SLC15A5: variants seen among roughly 807,000 people sequenced by gnomAD.
The protein encoded by SLC15A5 is Peptide/histidine transporter ENSP00000340402.
Under a neutral mutation model 56.1 loss-of-function variants are expected in SLC15A5, and 58 were observed. That is an observed-to-expected ratio of 1.03 (90% CI 0.84 to 1.29). SLC15A5 has a LOEUF of 1.29. Ranked by LOEUF, SLC15A5 falls within the 50% of genes most tolerant of loss-of-function variation. The pLI is 0.00. For missense variants in SLC15A5, 681 were observed against 672.1 expected, an observed-to-expected ratio of 1.01 and a Z score of -0.15; for synonymous variants, 264 against 250.5, an observed-to-expected ratio of 1.05 and a Z score of -0.51.
At chr12:16,202,757 T>G (rs904452544) in intron 7 of SLC15A5, among the ~76,000 whole-genome samples, 2 of 152,292 alleles carry the variant, frequency 1.3e-5, no homozygotes, top group East Asian at 1.9e-4. Flanking sequence ...AAGTGGTATA[T>G]ATACACAATG....
intron 2 of SLC15A5, among the ~76,000 whole-genome samples, chr12:16,259,701 T>A (rs1864621026): frequency 6.6e-6 from 1 of 152,168 alleles, no homozygotes; most frequent in Admixed American, 6.5e-5. Context: ...ATGGAATAAG[T>A]GGAGAGTTGA....
At chr12:16,229,912 A>G (rs995080376) in intron 5 of SLC15A5, among the ~76,000 whole-genome samples, 2 of 152,156 alleles carry the variant, frequency 1.3e-5, no homozygotes, top group African/African-American at 4.8e-5. Flanking sequence ...GCAGAAAAGG[A>G]GAAAGCTTTA....
chr12:16,272,272 C>CTT (rs1263592993), intron 2 of SLC15A5, among the ~76,000 whole-genome samples: 1 of 152,126 alleles, frequency 6.6e-6, no homozygotes, highest in Admixed American at 6.6e-5. Flanking sequence ...ACCCAGGTCT[C>CTT]TTTGGTTCCA....
Position 16,194,258 on chromosome 12 carries a change from T to A in SLC15A5, c.1592+87A>T, listed in dbSNP as rs997049967. 92 of 736,000 alleles carry A rather than the reference T, an allele frequency of 1.3e-4. No homozygotes were observed. In the East Asian group the frequency reaches 2.3e-3, roughly 19 times the overall value. The allele number at this position is 736,000 out of a possible 1,614,324, so 45.6% of individuals were successfully genotyped here. ...AATATTCTAATTTGTCCAGTCATGG[T>A]GTACAGAATTCCCTGGCTCAGTGAT... On this transcript the variant is annotated intron_variant, in intron 8 of 8. Coordinates refer to ENST00000344941, the MANE Select transcript of SLC15A5 (RefSeq NM_001170798.1).
chr12:16,190,721 C>T (rs189615975), intron 8 of SLC15A5, among the ~76,000 whole-genome samples: 6 of 152,102 alleles, frequency 3.9e-5, no homozygotes, highest in Admixed American at 2.0e-4. Flanking sequence ...CCTTCTTTTC[C>T]TTCTCAGTAC....
chr12:16,233,531 T>C (rs1864318900), intron 5 of SLC15A5, among the ~76,000 whole-genome samples: 2 of 152,184 alleles, frequency 1.3e-5, no homozygotes, highest in South Asian at 4.1e-4. Context: ...AAACAGACGG[T>C]GGGCCAGATT....
rs1252611385 is a variant in SLC15A5 at position 16,277,605 on chromosome 12, A to G, written c.81T>C (p.His27=). 6.5e-7 allele frequency: 1 copy of G among 1,536,366 alleles called. No individual in the cohort carries two copies. Among genetic ancestry groups the G allele is most frequent in the South Asian group, 1.2e-5 (1 of 84,030 alleles). The change falls in exon 1 of 9, where the codon CAT becomes CAC. Residue 27 remains histidine (H), a synonymous_variant. Transcript: ENST00000344941. The part of the protein sequence containing the change: ...HSIEKEKTVR[H]IGDLCSSHSV... The stretch of plus-strand genomic sequence containing the variant: ...AGTGTGAGGAACACAAATCGCCAAT[A>G]TGTCTTACAGTTTTCTCCTTCTCAA...
intron 1 of SLC15A5, 150 bp from the exon 2 acceptor site, chr12:16,272,933 G>A: frequency 1.4e-6 from 1 of 725,652 alleles, no homozygotes; most frequent in Non-Finnish European, 2.2e-6. Flanking sequence ...TTCAGGGATA[G>A]CCTGATGTTT....
At chr12:16,195,145 T>C (rs1028733211) in intron 7 of SLC15A5, among the ~76,000 whole-genome samples, 3 of 152,074 alleles carry the variant, frequency 2.0e-5, no homozygotes, top group Non-Finnish European at 2.9e-5. Flanking sequence ...AGGTAATTAC[T>C]TTAATTTGCT....
At chr12:16,250,211 C>T (rs1449436055) in intron 3 of SLC15A5, among the ~76,000 whole-genome samples, 1 of 152,002 alleles carries the variant, frequency 6.6e-6, no homozygotes, top group African/African-American at 2.4e-5. Flanking sequence ...ATAACAAACA[C>T]TGATTGAACA....
chr12:16,231,243 T>C (rs1342033385), intron 5 of SLC15A5, among the ~76,000 whole-genome samples: 1 of 152,210 alleles, frequency 6.6e-6, no homozygotes, highest in Non-Finnish European at 1.5e-5. Context: ...TAGAGCAGTT[T>C]AGGGACTTCC....
At chr12:16,244,894 G>T in intron 3 of SLC15A5, 94 bp from the exon 4 acceptor site, 2 of 1,315,626 alleles carry the variant, frequency 1.5e-6, no homozygotes, top group Non-Finnish European at 2.1e-6. Context: ...AAGGATTCAC[G>T]GCAGTGAAGT....
chr12:16,257,415 T>C (rs1258752582), intron 3 of SLC15A5, among the ~76,000 whole-genome samples: 1 of 152,160 alleles, frequency 6.6e-6, no homozygotes, highest in Non-Finnish European at 1.5e-5. Flanking sequence ...TATTCCATTA[T>C]TAAAATTTTT....
chr12:16,210,002 C>T (rs527543235), intron 7 of SLC15A5, among the ~76,000 whole-genome samples: 3 of 152,266 alleles, frequency 2.0e-5, no homozygotes, highest in South Asian at 2.1e-4. Flanking sequence ...AAAGATCTCA[C>T]GTGATTTTGC....
intron 7 of SLC15A5, 33 bp downstream of exon 7, chr12:16,216,860 A>C (rs1387501601): frequency 1.3e-6 from 2 of 1,515,016 alleles, no homozygotes; most frequent in African/African-American, 1.4e-5. Context: ...CATCAACTCA[A>C]TGTATATAAG....
intron 8 of SLC15A5, 84 bp from the exon 9 acceptor site, chr12:16,189,899 A>G (rs1592103779): frequency 9.8e-7 from 1 of 1,015,616 alleles, no homozygotes. Flanking sequence ...GCGCTTGTCT[A>G]CCTTTTATGA....
intron 1 of SLC15A5, among the ~76,000 whole-genome samples, chr12:16,274,333 T>G (rs1864793919): frequency 2.0e-5 from 3 of 152,142 alleles, no homozygotes; most frequent in Admixed American, 2.0e-4. Context: ...ATCATTAATT[T>G]TTTTGTTTTG....
intron 7 of SLC15A5, among the ~76,000 whole-genome samples, chr12:16,211,468 C>G (rs919105801): frequency 2.0e-5 from 3 of 149,646 alleles, no homozygotes; most frequent in Non-Finnish European, 3.0e-5. Context: ...GAAGATATAC[C>G]ACTTGACCTC....
rs561176625 is a variant in SLC15A5 at position 16,235,165 on chromosome 12, A to T, written c.1162+4516T>A. ...TTTGTCACTCACTTTTTAGGGTGGCATATGTTTTTTATTTTTATTGTTTTC... is the reference window on the plus strand; with the variant it reads ...TTTGTCACTCACTTTTTAGGGTGGCTTATGTTTTTTATTTTTATTGTTTTC... On this transcript the variant is annotated intron_variant, in intron 5 of 8. Coordinates refer to ENST00000344941, the MANE Select transcript of SLC15A5 (RefSeq NM_001170798.1). This position sits in a 1 kb window ranked among gnomAD's most constrained non-coding sequence, Gnocchi z 4.1. Among the ~76,000 whole-genome samples the T allele has an allele frequency of 2.5e-4, 38 of 151,620 alleles. No homozygotes were observed. The highest frequency in any genetic ancestry group is 4.9e-4 in the Non-Finnish European group (33 of 67,850).
Sources: gnomAD v4.1 joint callset for allele counts (sites outside exome capture counted in the v4.1 genomes callset) on GRCh38, gnomAD v4.1.1 for gene constraint, Gnocchi (gnomAD v3.1) non-coding constraint, MANE v1.5 for transcripts, NCBI Gene and HGNC (gene_info 2026-07-23, HGNC 2026-07-21) for gene names.